FNBP4: variants seen among roughly 807,000 people sequenced by gnomAD.
FNBP4 encodes formin-binding protein 4.
Under a neutral mutation model 119.3 loss-of-function variants are expected in FNBP4, and 34 were observed. The observed-to-expected ratio is 0.28, with a 90% CI of 0.22 to 0.38. The LOEUF (loss-of-function observed/expected upper bound fraction) is 0.38, where lower values mean the gene tolerates loss of function less well. Ranked by LOEUF, FNBP4 falls within the 10% of genes least tolerant of loss-of-function variation. FNBP4 has a pLI of 1.00. For synonymous variants in FNBP4, 462 were observed against 430.6 expected (o/e 1.07, Z -0.90); for missense variants, 1,112 against 1,228.9 (o/e 0.90, Z 1.42).
intron 6 of FNBP4, among the ~76,000 whole-genome samples, chr11:47,747,514 C>A (rs922860544): frequency 5.3e-5 from 8 of 152,054 alleles, no homozygotes; most frequent in Non-Finnish European, 1.0e-4. Context: ...ACCAGGTTGG[C>A]CAAGTTGATC....
intron 6 of FNBP4, among the ~76,000 whole-genome samples, chr11:47,748,567 A>G (rs932687428): frequency 2.6e-5 from 4 of 151,460 alleles, no homozygotes; most frequent in African/African-American, 9.7e-5. Context: ...GATGGGGTTG[A>G]TCTTGTTATG....
At chr11:47,766,326 A>C (rs1249198770) in intron 1 of FNBP4, among the ~76,000 whole-genome samples, 2 of 152,132 alleles carry the variant, frequency 1.3e-5, no homozygotes, top group Non-Finnish European at 2.9e-5. Flanking sequence ...AAAAAAACAA[A>C]ACAAAACTCT....
chr11:47,757,791 G>C (rs1196911802), intron 2 of FNBP4, among the ~76,000 whole-genome samples: 1 of 152,040 alleles, frequency 6.6e-6, no homozygotes, highest in African/African-American at 2.4e-5. Context: ...ACCACACATA[G>C]CCTCTAAACA....
At chr11:47,731,187 C>T (rs766518610) in intron 12 of FNBP4, 187 bp downstream of exon 12, 14 of 505,140 alleles carry the variant, frequency 2.8e-5, no homozygotes, top group Non-Finnish European at 4.6e-5. Flanking sequence ...CACAGTTTTA[C>T]ACGTGATAAC....
intron 7 of FNBP4, among the ~76,000 whole-genome samples, chr11:47,745,325 T>C (rs2135192074): frequency 6.6e-6 from 1 of 152,252 alleles, no homozygotes; most frequent in African/African-American, 2.4e-5. Context: ...CGCTAAATTC[T>C]TTTCCTAGCA....
chr11:47,757,951 T>C lies in FNBP4; in HGVS notation c.314-3287A>G, dbSNP rs191246981. Among the ~76,000 whole-genome samples, 25 of 152,196 alleles carry C rather than the reference T, an allele frequency of 1.6e-4. 1 individual carries two copies. In the East Asian group the frequency reaches 4.1e-3, roughly 25 times the overall value. Reference sequence around the variant, plus strand: ...CAGCATCCTGAGTGGATGACTAGAGTCACAACCCACCATGCCTGGCTAATT... The same window carrying C: ...CAGCATCCTGAGTGGATGACTAGAGCCACAACCCACCATGCCTGGCTAATT... On this transcript the variant is annotated intron_variant, in intron 2 of 16. Coordinates refer to ENST00000263773, the MANE Select transcript of FNBP4 (RefSeq NM_015308.5).
chr11:47,724,001 G>A, intron 14 of FNBP4, 27 bp downstream of exon 14: 1 of 1,596,464 alleles, frequency 6.3e-7, no homozygotes, highest in Non-Finnish European at 8.5e-7. Context: ...ATACATTGAG[G>A]AAAAACCACG....
chr11:47,763,253 C>G (rs2135289433), intron 2 of FNBP4, among the ~76,000 whole-genome samples: 1 of 152,064 alleles, frequency 6.6e-6, no homozygotes, highest in African/African-American at 2.4e-5. Context: ...CACTTGAAGT[C>G]AGGAGTTCAA....
chr11:47,732,389 T>C lies in FNBP4; in HGVS notation c.1820+148A>G. 5.9e-6 allele frequency: 9 copies of C among 1,514,160 alleles called. No individual in the cohort carries two copies. The highest frequency in any genetic ancestry group is 7.9e-6 in the Non-Finnish European group (9 of 1,133,672). The allele number at this position is 1,514,160 out of a possible 1,614,324, so 93.8% of individuals were successfully genotyped here. A position where few individuals can be genotyped will look rare whatever the true frequency, so the allele number is the denominator to read the frequency against. On this transcript the variant is annotated intron_variant, in intron 11 of 16. Transcript: ENST00000263773. The surrounding 1 kb of genome is among the most constrained non-coding windows in gnomAD (Gnocchi z 4.2). The stretch of plus-strand genomic sequence containing the variant: ...CTCCAATGTGTGGCTGGCCAAACTT[T>C]GTGCTTGCGGTGCTTTGCCTGCCCA...
chr11:47,737,995 G>C (rs2097576547), intron 8 of FNBP4, among the ~76,000 whole-genome samples: 1 of 152,182 alleles, frequency 6.6e-6, no homozygotes, highest in East Asian at 1.9e-4. Flanking sequence ...CGCCCGGCTA[G>C]GCCTCTCAAA....
At chr11:47,733,185 T>C (rs1412785545) in intron 10 of FNBP4, among the ~76,000 whole-genome samples, 1 of 152,210 alleles carries the variant, frequency 6.6e-6, no homozygotes, top group Non-Finnish European at 1.5e-5. Context: ...ATTTTAACAC[T>C]ACCAACTCTC....
At chr11:47,738,089 T>C (rs771974395) in intron 8 of FNBP4, among the ~76,000 whole-genome samples, 1 of 152,180 alleles carries the variant, frequency 6.6e-6, no homozygotes, top group South Asian at 2.1e-4. Flanking sequence ...CCTGAACTGG[T>C]GAAGACCTAC....
chr11:47,759,217 CT>C (rs11357422), intron 2 of FNBP4, among the ~76,000 whole-genome samples: 141,306 of 144,836 alleles, frequency 0.98, 68,967 homozygotes, highest in East Asian at 1. Flanking sequence ...CTGCGCCTGG[CT>C]TTTTTTTTTT....
intron 12 of FNBP4, among the ~76,000 whole-genome samples, chr11:47,731,099 T>C (rs898842123): frequency 1.3e-5 from 2 of 152,160 alleles, no homozygotes; most frequent in Non-Finnish European, 2.9e-5. Context: ...ACCCACAGCT[T>C]AGTCAGTGGC....
At position 47,767,182 on chromosome 11, in the gene FNBP4, T is replaced by TCGGGTTCCGGCTC; in HGVS notation, c.94_106dup (p.Asp36GlyfsTer7). Reference sequence around the variant, plus strand: ...CGCCGCGGTTGAGTCCGGCTCAGTGTCGGGTTCCGGCTCCGGGTCCCGGCC... The same window carrying TCGGGTTCCGGCTC: ...CGCCGCGGTTGAGTCCGGCTCAGTGTCGGGTTCCGGCTCCGGGTTCCGGCTCCGGGTCCCGGCC... On this transcript the variant is annotated frameshift_variant, in exon 1 of 17. Transcript: ENST00000263773. LOFTEE classifies it high-confidence loss of function. 3 of 1,559,782 alleles carry TCGGGTTCCGGCTC rather than the reference T, an allele frequency of 1.9e-6. No homozygotes were observed. Among genetic ancestry groups the TCGGGTTCCGGCTC allele is most frequent in the Non-Finnish European group, 2.6e-6 (3 of 1,158,256 alleles).
At chr11:47,723,502 A>G (rs146564734) in intron 14 of FNBP4, among the ~76,000 whole-genome samples, 186 bp from the exon 15 acceptor site, 43 of 152,322 alleles carry the variant, frequency 2.8e-4, no homozygotes, top group African/African-American at 9.9e-4. Flanking sequence ...TAAACTACCT[A>G]AACATCGAAA....
At position 47,720,070 on chromosome 11, in the gene FNBP4, G is replaced by T; in HGVS notation, c.2822C>A (p.Thr941Asn). The change falls in exon 16 of 17, where the codon ACC (threonine) becomes AAC (asparagine). Residue 941 changes from threonine (T) to asparagine (N), a missense_variant. This residue lies in a region of FNBP4 where 826 missense variants were observed against 988.8 expected (regional missense o/e 0.84). Coordinates refer to ENST00000263773, the MANE Select transcript of FNBP4 (RefSeq NM_015308.5). Reference protein sequence around the residue: ...GRKDKAKKSKTKMPSLVKKWQ... With the variant: ...GRKDKAKKSKNKMPSLVKKWQ... ...CTTTTTTACCAAAGATGGCATTTTG[G>T]TCTTACTCTTCTTTGCCTGTAACAA... 1 of 1,613,594 alleles carries T rather than the reference G, an allele frequency of 6.2e-7. No individual in the cohort carries two copies. Among genetic ancestry groups the T allele is most frequent in the Non-Finnish European group, 8.5e-7 (1 of 1,179,778 alleles).
At chr11:47,731,679 T>C (rs1298809037) in intron 11 of FNBP4, 118 bp from the exon 12 acceptor site, 14 of 1,451,336 alleles carry the variant, frequency 9.6e-6, no homozygotes, top group Non-Finnish European at 1.3e-5. Context: ...CTTAATGGAC[T>C]GCTATTCACA....
chr11:47,735,409 A>C (rs1349556204), intron 9 of FNBP4, among the ~76,000 whole-genome samples: 8 of 152,194 alleles, frequency 5.3e-5, no homozygotes, highest in Non-Finnish European at 7.3e-5. Flanking sequence ...GAATATGTTA[A>C]GTGGTTTTTC....
Sources: gnomAD v4.1 joint callset for allele counts (sites outside exome capture counted in the v4.1 genomes callset) on GRCh38, gnomAD v4.1.1 for gene constraint, gnomAD v4.1.1 regional missense constraint, Gnocchi (gnomAD v3.1) non-coding constraint, MANE v1.5 for transcripts, NCBI Gene and HGNC (gene_info 2026-07-23, HGNC 2026-07-21) for gene names.